The following VCL variants were observed in gnomAD, a reference collection of about 807,000 sequenced individuals.
VCL encodes vinculin, also known as epididymis luminal protein 114.
VCL carries 47 observed loss-of-function variants against 125.7 expected under a neutral mutation model. The ratio of observed to expected loss-of-function variants is 0.37; its 90% confidence interval spans 0.30 to 0.48. The LOEUF is 0.48. Among genes scored for constraint, VCL ranks in the 20% least tolerant of loss-of-function variants. The pLI, the probability that VCL is intolerant of heterozygous loss-of-function variation, is 0.99. For synonymous variants in VCL, 458 were observed against 514.6 expected (o/e 0.89, Z 1.49); for missense variants, 1,069 against 1,455.5 (o/e 0.73, Z 4.32).
chr10:74,098,854 C>G (rs752247692), intron 13 of VCL, among the ~76,000 whole-genome samples: 7 of 152,134 alleles, frequency 4.6e-5, no homozygotes, highest in Non-Finnish European at 8.8e-5. Context: ...CTAGTAGATA[C>G]ATCTAGGTGG....
At chr10:74,086,418 T>C (rs1421159111) in intron 8 of VCL, among the ~76,000 whole-genome samples, 2 of 152,226 alleles carry the variant, frequency 1.3e-5, no homozygotes. Context: ...CAGTGAATCT[T>C]TTCTCCTGCT....
chr10:74,082,839 A>G (rs1263420631), intron 7 of VCL, among the ~76,000 whole-genome samples: 2 of 152,218 alleles, frequency 1.3e-5, no homozygotes, highest in Non-Finnish European at 2.9e-5. Flanking sequence ...ATTATTTTGA[A>G]TGAAAGTTCT....
At position 74,097,475 on chromosome 10, in the gene VCL, C is replaced by A. The variant is rs1839989398; in HGVS notation, c.1872+143C>A. The A allele has an allele frequency of 8.1e-7, 1 of 1,231,942 alleles. No homozygotes were observed. The highest frequency in any genetic ancestry group is 1.2e-6 in the Non-Finnish European group (1 of 860,846). The allele number at this position is 1,231,942 out of a possible 1,614,324, so 76.3% of individuals were successfully genotyped here. On this transcript the variant is annotated intron_variant, in intron 13 of 21. Transcript: ENST00000211998. The surrounding 1 kb of genome is among the most constrained non-coding windows in gnomAD (Gnocchi z 4.1). ...GAAGAGCAGAACAGGGAAAGCCCTA[C>A]CACCTCTACTTTTAGTCTCCACGTA...
intron 1 of VCL, among the ~76,000 whole-genome samples, chr10:74,034,731 C>T (rs978109964): frequency 1.3e-5 from 2 of 152,190 alleles, no homozygotes; most frequent in Non-Finnish European, 2.9e-5. Flanking sequence ...GATGTGGCCT[C>T]TTAAACACTG....
chr10:74,052,947 AT>A (rs61283913), intron 2 of VCL, among the ~76,000 whole-genome samples: 6,024 of 118,270 alleles, frequency 0.051, 382 homozygotes, highest in African/African-American at 0.17. Context: ...AAAAAAAAAA[AT>A]ATATATATAT....
chr10:74,040,179 C>G (rs1297792143), intron 1 of VCL, among the ~76,000 whole-genome samples: 1 of 152,170 alleles, frequency 6.6e-6, no homozygotes, highest in African/African-American at 2.4e-5. Flanking sequence ...ATCATTCTTA[C>G]CATTATCTGG....
intron 6 of VCL, among the ~76,000 whole-genome samples, chr10:74,079,170 T>C (rs896841457): frequency 1.3e-5 from 2 of 152,160 alleles, no homozygotes; most frequent in Non-Finnish European, 2.9e-5. Context: ...GCCAAGGCAC[T>C]GTATTTTTTT....
intron 20 of VCL, 118 bp downstream of exon 20, chr10:74,114,505 G>A: frequency 1.6e-6 from 2 of 1,265,442 alleles, no homozygotes; most frequent in Non-Finnish European, 2.2e-6. Context: ...CTAGGTAAGG[G>A]AGAAAGAGGC....
intron 8 of VCL, 105 bp from the exon 9 acceptor site, chr10:74,089,091 A>G: frequency 6.5e-7 from 1 of 1,533,924 alleles, no homozygotes; most frequent in Non-Finnish European, 8.9e-7. Flanking sequence ...GAAAAAGGAA[A>G]AAGCCAAGCA....
Position 74,020,840 on chromosome 10 carries a change from C to CAAAAAAAAAAA in VCL, c.169-22232_169-22222dup, listed in dbSNP as rs567412270. On this transcript the variant is annotated intron_variant, in intron 1 of 21. Transcript: ENST00000211998. ...TGGGCAACAGAGCAAGACCTTGTCT[C>CAAAAAAAAAAA]AAAAAAAAAAAAAAAAAAAAAGAGA... is the stretch of plus-strand genomic sequence containing the variant. Among the ~76,000 whole-genome samples, 27 of 66,736 alleles carry CAAAAAAAAAAA rather than the reference C, an allele frequency of 4.0e-4. 4 individuals are homozygous for CAAAAAAAAAAA. The highest frequency in any genetic ancestry group is 1.4e-3 in the African/African-American group (23 of 16,984). 43.8% of individuals were successfully genotyped at this position (66,736 alleles called of 152,430 possible).
chr10:74,009,716 T>A (rs2136225989), intron 1 of VCL, among the ~76,000 whole-genome samples: 1 of 150,888 alleles, frequency 6.6e-6, no homozygotes, highest in African/African-American at 2.4e-5. Flanking sequence ...TTCAAGCAGT[T>A]CTCCTGTTTC....
intron 1 of VCL, among the ~76,000 whole-genome samples, chr10:74,017,254 A>T (rs935562071): frequency 1.1e-4 from 17 of 151,192 alleles, no homozygotes; most frequent in African/African-American, 4.1e-4. Context: ...TCACCGTTTT[A>T]GCCGGGATGG....
chr10:74,090,041 A>G lies in VCL; in HGVS notation c.1195A>G (p.Asn399Asp), dbSNP rs377228795. ...TGTGTAGAACTGGCTTGCAGATCCA[A>G]ATGGTGGACCGGAAGGAGAAGAGCA... ...DAAQNWLADP[N>D]GGPEGEEQIR... Residue 399 changes from asparagine to aspartate, a missense_variant, in exon 10 of 22, where the codon AAT becomes GAT. By Grantham distance (23) the Asn-to-Asp change is conservative. Transcript: ENST00000211998. 3.1e-6 allele frequency: 5 copies of G among 1,613,892 alleles called. No homozygotes were observed. The African/African-American group carries it at 5.3e-5, about 17-fold the overall frequency.
rs1240131743 is a variant in VCL, at chr10:74,020,032, C to T, written c.168+21657C>T. ...GCGCCGAGATCGCGACATTGCACTC[C>T]AACCTGGGCAACAAGAGTGAAACTC... On this transcript the variant is annotated intron_variant, in intron 1 of 21. Transcript: ENST00000211998. Among the ~76,000 whole-genome samples, 10 of 150,138 alleles carry T rather than the reference C, an allele frequency of 6.7e-5. No individual in the cohort carries two copies. The East Asian group carries it at 2.0e-3, about 29-fold the overall frequency.
intron 20 of VCL, 114 bp from the exon 21 acceptor site, chr10:74,114,681 C>T (rs576192900): frequency 1.8e-5 from 20 of 1,135,214 alleles, no homozygotes; most frequent in African/African-American, 1.4e-4. Context: ...GCTTATTTAT[C>T]GAGTGCCTTT....
chr10:74,089,557 G>T (rs775842277), intron 9 of VCL, among the ~76,000 whole-genome samples: 6 of 152,140 alleles, frequency 3.9e-5, no homozygotes, highest in Non-Finnish European at 7.4e-5. Context: ...TTGAAATAAA[G>T]ATCTTAATTT....
chr10:74,010,250 A>C (rs1351025254), intron 1 of VCL, among the ~76,000 whole-genome samples: 2 of 152,186 alleles, frequency 1.3e-5, no homozygotes, highest in Non-Finnish European at 2.9e-5. Flanking sequence ...AACAAGTTAC[A>C]AAAAGATTTA....
intron 1 of VCL, among the ~76,000 whole-genome samples, chr10:74,023,375 A>G (rs7075862): frequency 0.068 from 10,379 of 152,276 alleles, 1,223 homozygotes; most frequent in African/African-American, 0.23. Context: ...TATACCGTCT[A>G]GGTTTGTGTA....
At chr10:74,006,831 C>T (rs1840331031) in intron 1 of VCL, among the ~76,000 whole-genome samples, 1 of 151,948 alleles carries the variant, frequency 6.6e-6, no homozygotes, top group Non-Finnish European at 1.5e-5. Flanking sequence ...TTCCCAAATC[C>T]AAAAAAATCT....
Sources: allele counts gnomAD v4.1 joint callset (sites outside exome capture counted in the v4.1 genomes callset), GRCh38; gene constraint gnomAD v4.1.1; non-coding constraint Gnocchi (gnomAD v3.1); transcripts MANE v1.5; gene names NCBI Gene and HGNC (gene_info 2026-07-23, HGNC 2026-07-21).